The following FNDC3A variants were observed in gnomAD, a reference collection of about 807,000 sequenced individuals.
The protein encoded by FNDC3A is fibronectin type-III domain-containing protein 3A.
FNDC3A carries 32 observed loss-of-function variants against 148.9 expected under a neutral mutation model. That is an observed-to-expected ratio of 0.21 (90% CI 0.16 to 0.29). FNDC3A has a LOEUF of 0.29. Ranked by LOEUF, FNDC3A falls within the 10% of genes least tolerant of loss-of-function variation. FNDC3A has a pLI of 1.00. For missense variants in FNDC3A, 1,191 were observed against 1,452.8 expected (o/e 0.82, Z 2.93); for synonymous variants, 472 against 473.6 (o/e 1.00, Z 0.04).
chr13:49,076,687 G>T lies in FNDC3A; in HGVS notation c.175+1323G>T, dbSNP rs149639007. On this transcript the variant is annotated intron_variant, in intron 3 of 25. Coordinates refer to ENST00000492622, the MANE Select transcript of FNDC3A (RefSeq NM_001079673.2). ...CATACAAGGCACTCAATAAGTGGTGGTGAGTGCTGTAGTGTTATTGTTAAT... is the reference window on the plus strand; with the variant it reads ...CATACAAGGCACTCAATAAGTGGTGTTGAGTGCTGTAGTGTTATTGTTAAT... Among the ~76,000 whole-genome samples the T allele has an allele frequency of 3.7e-3, 561 of 152,134 alleles. 3 individuals are homozygous for T. The highest frequency in any genetic ancestry group is 6.6e-3 in the Non-Finnish European group (451 of 67,984).
chr13:49,180,379 A>G (rs960113798), intron 14 of FNDC3A, among the ~76,000 whole-genome samples: 1 of 152,216 alleles, frequency 6.6e-6, no homozygotes, highest in African/African-American at 2.4e-5. Context: ...ATTATTTAGC[A>G]CATAATAATT....
At chr13:49,104,825 T>C (rs894641340) in intron 3 of FNDC3A, among the ~76,000 whole-genome samples, 31 of 152,118 alleles carry the variant, frequency 2.0e-4, no homozygotes, top group Non-Finnish European at 4.4e-5. Context: ...TAAAGACTTA[T>C]GTGAAAGGAT....
At chr13:49,035,275 C>G (rs1874412002) in intron 2 of FNDC3A, among the ~76,000 whole-genome samples, 1 of 151,968 alleles carries the variant, frequency 6.6e-6, no homozygotes, top group Admixed American at 6.6e-5. Flanking sequence ...TACTTATAAG[C>G]CATTCTGAAA....
chr13:49,104,392 C>T (rs1232383872), intron 3 of FNDC3A, among the ~76,000 whole-genome samples: 4 of 152,090 alleles, frequency 2.6e-5, no homozygotes, highest in East Asian at 1.9e-4. Flanking sequence ...GGCATGGTGG[C>T]GGGCGCCTGT....
chr13:49,159,431 G>A (rs1402446684), intron 8 of FNDC3A, among the ~76,000 whole-genome samples: 1 of 152,148 alleles, frequency 6.6e-6, no homozygotes, highest in Non-Finnish European at 1.5e-5. Flanking sequence ...TCTGTTATTG[G>A]TGTATAGTAA....
chr13:49,187,680 G>A, intron 16 of FNDC3A: 1 of 1,577,744 alleles, frequency 6.3e-7, no homozygotes, highest in Non-Finnish European at 8.7e-7. Context: ...TAGCGCTGCT[G>A]GAAGCTCTGC....
intron 2 of FNDC3A, among the ~76,000 whole-genome samples, chr13:49,033,968 G>A (rs937873660): frequency 6.6e-6 from 1 of 151,848 alleles, no homozygotes; most frequent in Admixed American, 6.6e-5. Context: ...CCACTTTGTA[G>A]TTAAAACTGT....
At chr13:49,162,611 C>T (rs571189572) in intron 8 of FNDC3A, among the ~76,000 whole-genome samples, 1 of 152,298 alleles carries the variant, frequency 6.6e-6, no homozygotes, top group South Asian at 2.1e-4. Flanking sequence ...CTACTTCTGT[C>T]AACTCGTCAA....
At chr13:49,142,664 C>T (rs1882756799) in intron 7 of FNDC3A, among the ~76,000 whole-genome samples, 1 of 152,116 alleles carries the variant, frequency 6.6e-6, no homozygotes, top group South Asian at 2.1e-4. Flanking sequence ...ATGAACATGC[C>T]TTGGACTACC....
Position 49,004,168 on chromosome 13 carries a change from A to G in FNDC3A, c.-39-1984A>G, listed in dbSNP as rs536098287. ...AAGAGGGTATTTGAGGTCAGAAGAT[A>G]AGACTAGAATGTAGAAAGTGAGTAG... On this transcript the variant is annotated intron_variant, in intron 1 of 25. Transcript: ENST00000492622. Among the ~76,000 whole-genome samples, 4 of 152,254 alleles carry G rather than the reference A, an allele frequency of 2.6e-5. No individual in the cohort carries two copies. In the South Asian group the frequency reaches 8.3e-4, roughly 32 times the overall value.
intron 3 of FNDC3A, among the ~76,000 whole-genome samples, chr13:49,100,904 C>T (rs765003684): frequency 1.3e-5 from 2 of 152,122 alleles, no homozygotes; most frequent in Non-Finnish European, 2.9e-5. Context: ...TAGACTGATC[C>T]TCACATTGCT....
chr13:49,046,925 A>G (rs1293802928), intron 2 of FNDC3A: 1 of 152,028 alleles, frequency 6.6e-6, no homozygotes, highest in Non-Finnish European at 1.5e-5. Context: ...CTTTAATGGT[A>G]ATTTCTAAGA....
intron 2 of FNDC3A, among the ~76,000 whole-genome samples, chr13:49,021,926 G>A (rs1566197044): frequency 6.6e-6 from 1 of 152,100 alleles, no homozygotes; most frequent in Non-Finnish European, 1.5e-5. Flanking sequence ...GGAAAACAGT[G>A]TTTATTATTT....
chr13:49,141,633 A>G (rs1388295335), intron 7 of FNDC3A, among the ~76,000 whole-genome samples: 1 of 152,150 alleles, frequency 6.6e-6, no homozygotes, highest in Non-Finnish European at 1.5e-5. Flanking sequence ...AATTCATGTA[A>G]TATATATGGC....
intron 4 of FNDC3A, among the ~76,000 whole-genome samples, chr13:49,116,719 G>A (rs1029751669): frequency 1.3e-5 from 2 of 151,352 alleles, no homozygotes; most frequent in African/African-American, 4.9e-5. Flanking sequence ...CTGGGAGGCG[G>A]AGGTTGCAGT....
At chr13:48,990,878 A>G (rs1167339979) in intron 1 of FNDC3A, among the ~76,000 whole-genome samples, 1 of 152,226 alleles carries the variant, frequency 6.6e-6, no homozygotes, top group Non-Finnish European at 1.5e-5. Flanking sequence ...TTCCTGAAGT[A>G]GTGTATTACT....
At chr13:49,038,454 C>CAG (rs1450429413) in intron 2 of FNDC3A, among the ~76,000 whole-genome samples, 1 of 152,104 alleles carries the variant, frequency 6.6e-6, no homozygotes, top group African/African-American at 2.4e-5. Context: ...TAGACACATA[C>CAG]AGAGGGAAGA....
chr13:49,062,269 G>C (rs1268547057), intron 2 of FNDC3A, among the ~76,000 whole-genome samples: 1 of 152,148 alleles, frequency 6.6e-6, no homozygotes, highest in Non-Finnish European at 1.5e-5. Flanking sequence ...AAGTTTACAT[G>C]GGTGCTAATT....
At chr13:49,134,215 T>C (rs555137465) in intron 5 of FNDC3A, among the ~76,000 whole-genome samples, 2 of 152,354 alleles carry the variant, frequency 1.3e-5, no homozygotes, top group South Asian at 4.1e-4. Context: ...CTACTTTCTG[T>C]CTGTATGGGT....
Sources: allele counts gnomAD v4.1 joint callset (sites outside exome capture counted in the v4.1 genomes callset), GRCh38; gene constraint gnomAD v4.1.1; transcripts MANE v1.5; gene names NCBI Gene and HGNC (gene_info 2026-07-23, HGNC 2026-07-21).